Variants in TMEM132C observed in about 807,000 individuals in gnomAD.
The protein encoded by TMEM132C is transmembrane protein 132C, also known as protein phosphatase 1, regulatory subunit 152.
A neutral mutation model predicts 61.4 loss-of-function variants in TMEM132C; 29 were observed. That is an observed-to-expected ratio of 0.47 (90% CI 0.35 to 0.64). The LOEUF (loss-of-function observed/expected upper bound fraction) is 0.64. Among genes scored for constraint, TMEM132C ranks in the 30% least tolerant of loss-of-function variants. The probability of loss-of-function intolerance (pLI) is 0.00; values close to 1 mark genes in which losing one functional copy is unlikely to be tolerated. For synonymous variants in TMEM132C, 656 were observed against 633.1 expected (o/e 1.04, Z -0.54); for missense variants, 1,408 against 1,476.9 (o/e 0.95, Z 0.76).
Position 128,608,360 on chromosome 12 carries a change from A to G in TMEM132C, c.1122-7792A>G, listed in dbSNP as rs957654077. ...ACCTGGGGATCTCTTAAGACTCCCAACAGCCAGGACTCACTTCAGACCAAT... is the reference window on the plus strand; with the variant it reads ...ACCTGGGGATCTCTTAAGACTCCCAGCAGCCAGGACTCACTTCAGACCAAT... On this transcript the variant is annotated intron_variant, in intron 3 of 8. Transcript: ENST00000435159. 2.0e-5 allele frequency among the ~76,000 whole-genome samples: 3 copies of G among 152,344 alleles called. No individual in the cohort carries two copies. The East Asian group carries it at 5.8e-4, about 29-fold the overall frequency.
At chr12:128,626,590 A>G (rs1954020205) in intron 4 of TMEM132C, among the ~76,000 whole-genome samples, 1 of 151,200 alleles carries the variant, frequency 6.6e-6, no homozygotes, top group Non-Finnish European at 1.5e-5. Flanking sequence ...GATTACAGCC[A>G]TTTGCCACTG....
At chr12:128,691,488 G>C (rs180848443) in intron 5 of TMEM132C, among the ~76,000 whole-genome samples, 1 of 152,174 alleles carries the variant, frequency 6.6e-6, no homozygotes, top group East Asian at 1.9e-4. Flanking sequence ...CATCTGTCCA[G>C]CTATCTACCC....
intron 5 of TMEM132C, among the ~76,000 whole-genome samples, chr12:128,673,593 A>AG (rs1555242148): frequency 2.6e-5 from 4 of 152,210 alleles, no homozygotes; most frequent in Admixed American, 2.6e-4. Flanking sequence ...TATATAAAAC[A>AG]CTTTGAAAAG....
chr12:128,667,912 A>G (rs10847663), intron 4 of TMEM132C, among the ~76,000 whole-genome samples: 82,976 of 152,114 alleles, frequency 0.55, 24,656 homozygotes, highest in African/African-American at 0.81. Flanking sequence ...CCCATTGACT[A>G]TGATGGAATG....
intron 8 of TMEM132C, among the ~76,000 whole-genome samples, chr12:128,704,431 G>A (rs1954822587): frequency 6.6e-6 from 1 of 152,140 alleles, no homozygotes. Context: ...ACCAGCCAAT[G>A]CCATGTACTG....
chr12:128,399,372 A>G (rs892174670), intron 1 of TMEM132C, among the ~76,000 whole-genome samples: 3 of 152,240 alleles, frequency 2.0e-5, no homozygotes, highest in Non-Finnish European at 2.9e-5. Context: ...TCCATCATAA[A>G]TAATACCACC....
chr12:128,370,573 T>A (rs1873998952), intron 1 of TMEM132C, among the ~76,000 whole-genome samples: 1 of 151,348 alleles, frequency 6.6e-6, no homozygotes, highest in African/African-American at 2.4e-5. Flanking sequence ...GAGGTAGAGA[T>A]GCAGAGGGAA....
At chr12:128,651,689 A>G (rs1954271786) in intron 4 of TMEM132C, among the ~76,000 whole-genome samples, 1 of 152,170 alleles carries the variant, frequency 6.6e-6, no homozygotes, top group Non-Finnish European at 1.5e-5. Flanking sequence ...GATCACAGCT[A>G]GGGAGACCAT....
rs549698543 is a variant in TMEM132C, at chr12:128,660,296, C to T, written c.1306-9121C>T. ...TGAGGAACCCCTTTCCTCTCTGATT[C>T]TGGTGCTCAAAAATGGGATGACTTA... On this transcript the variant is annotated intron_variant, in intron 4 of 8. Transcript: ENST00000435159. Among the ~76,000 whole-genome samples the T allele has an allele frequency of 3.3e-5, 5 of 152,252 alleles. No individual in the cohort carries two copies. In the East Asian group the frequency reaches 9.7e-4, roughly 29 times the overall value.
At chr12:128,517,468 T>C (rs1872758424) in intron 2 of TMEM132C, among the ~76,000 whole-genome samples, 1 of 152,092 alleles carries the variant, frequency 6.6e-6, no homozygotes, top group African/African-American at 2.4e-5. Flanking sequence ...GTTAATAATT[T>C]GCATGCTAAA....
intron 1 of TMEM132C, among the ~76,000 whole-genome samples, chr12:128,296,086 G>A (rs899065221): frequency 1.3e-5 from 2 of 152,148 alleles, no homozygotes; most frequent in African/African-American, 4.8e-5. Flanking sequence ...TACTGAAGTA[G>A]CACCCTTGTT....
At chr12:128,574,074 T>TC (rs5801802) in intron 3 of TMEM132C, among the ~76,000 whole-genome samples, 148,293 of 152,138 alleles carry the variant, frequency 0.97, 72,375 homozygotes, top group East Asian at 1. Flanking sequence ...TTCCACACAG[T>TC]CCAGAGGAGC....
At chr12:128,510,860 C>T (rs1460778137) in intron 2 of TMEM132C, among the ~76,000 whole-genome samples, 1 of 152,224 alleles carries the variant, frequency 6.6e-6, no homozygotes, top group Non-Finnish European at 1.5e-5. Context: ...CTCTTAGTGC[C>T]CTATGCCTGC....
chr12:128,696,201 A>C (rs1160274654), intron 7 of TMEM132C, 98 bp downstream of exon 7: 1 of 1,433,976 alleles, frequency 7.0e-7, no homozygotes, highest in Non-Finnish European at 9.3e-7. Flanking sequence ...CGATTCCCCA[A>C]CCCATGTGTA....
intron 1 of TMEM132C, among the ~76,000 whole-genome samples, chr12:128,339,318 G>C (rs537282463): frequency 6.6e-6 from 1 of 152,038 alleles, no homozygotes; most frequent in Non-Finnish European, 1.5e-5. Flanking sequence ...AGCCCAGGGG[G>C]TTGGAGGTCT....
chr12:128,361,630 T>C (rs1873711581), intron 1 of TMEM132C, among the ~76,000 whole-genome samples: 1 of 151,208 alleles, frequency 6.6e-6, no homozygotes, highest in African/African-American at 2.4e-5. Flanking sequence ...CTACGAAAAC[T>C]GAAACATATT....
chr12:128,597,494 AAAGAAGGAAG>A lies in TMEM132C; in HGVS notation c.1122-18657_1122-18648del, dbSNP rs1565986173. 5.0e-4 allele frequency among the ~76,000 whole-genome samples: 35 copies of A among 70,150 alleles called. No individual in the cohort carries two copies. The East Asian group carries it at 5.5e-3, about 11-fold the overall frequency. 46.0% of individuals were successfully genotyped at this position (70,150 alleles called of 152,430 possible). Reference sequence around the variant, plus strand: ...AGAGAGAGGAAGGAAGGAAGGAAGGAAAGAAGGAAGGAAGGAAGGAAGGAAGGAAGGAAGG... The same window carrying A: ...AGAGAGAGGAAGGAAGGAAGGAAGGAGAAGGAAGGAAGGAAGGAAGGAAGG... On this transcript the variant is annotated intron_variant, in intron 3 of 8. Coordinates refer to ENST00000435159, the MANE Select transcript of TMEM132C (RefSeq NM_001136103.3).
At chr12:128,301,892 C>T (rs543340664) in intron 1 of TMEM132C, among the ~76,000 whole-genome samples, 16 of 152,188 alleles carry the variant, frequency 1.1e-4, no homozygotes, top group Non-Finnish European at 1.9e-4. Context: ...GCAAAAGGCA[C>T]ATCTTACATG....
intron 2 of TMEM132C, among the ~76,000 whole-genome samples, chr12:128,525,292 G>A (rs948130652): frequency 2.0e-5 from 3 of 151,820 alleles, no homozygotes; most frequent in Non-Finnish European, 4.4e-5. Flanking sequence ...CAGGAACAAA[G>A]CCCTTTGAAG....
Sources: gnomAD v4.1 joint callset for allele counts (sites outside exome capture counted in the v4.1 genomes callset) on GRCh38, gnomAD v4.1.1 for gene constraint, MANE v1.5 for transcripts, NCBI Gene and HGNC (gene_info 2026-07-23, HGNC 2026-07-21) for gene names.